IGLL5: variants seen among roughly 807,000 people sequenced by gnomAD.
IGLL5 encodes immunoglobulin lambda-like polypeptide 5.
Under a neutral mutation model 20.9 loss-of-function variants are expected in IGLL5, and 30 were observed. That is an observed-to-expected ratio of 1.44 (90% CI 1.07 to 1.95). IGLL5 has a LOEUF of 1.95. Ranked by LOEUF, IGLL5 falls within the 30% of genes most tolerant of loss-of-function variation. The pLI, the probability that IGLL5 is intolerant of heterozygous loss-of-function variation, is 0.00. For synonymous variants in IGLL5, 203 were observed against 117.3 expected (o/e 1.73, Z -4.72); for missense variants, 475 against 270.7 (o/e 1.75, Z -5.30).
intron 1 of IGLL5, among the ~76,000 whole-genome samples, chr22:22,890,249 A>T (rs2067786765): frequency 6.7e-6 from 1 of 149,660 alleles, no homozygotes; most frequent in Admixed American, 6.7e-5. Flanking sequence ...TCCCAGAGAT[A>T]GCCACTGTCA....
At position 22,892,708 on chromosome 22, in the gene IGLL5, AAG is replaced by A. The variant is rs551771266; in HGVS notation, c.207-987_207-986del. Among the ~76,000 whole-genome samples, 497 of 150,938 alleles carry A rather than the reference AAG, an allele frequency of 3.3e-3. 1 individual carries two copies. The highest frequency in any genetic ancestry group is 5.5e-3 in the Non-Finnish European group (373 of 67,822). Reference sequence around the variant, plus strand: ...GAATATATGTGAATCTGGAGCCAAGAAGAGAGGTAAGGGCTGGAAATAGGGAT... The same window carrying A: ...GAATATATGTGAATCTGGAGCCAAGAAGAGGTAAGGGCTGGAAATAGGGAT... On this transcript the variant is annotated intron_variant, in intron 1 of 2. Coordinates refer to ENST00000526893, the MANE Select transcript of IGLL5 (RefSeq NM_001178126.2).
At position 22,888,038 on chromosome 22, in the gene IGLL5, CT is replaced by C. The variant is rs763343968; in HGVS notation, c.-15del. Reference sequence around the variant, plus strand: ...GCTGCAAGTCGGGCCAGAGGTGCCCCTGAACCTGAAGGCCAATGAGACCCAA... The same window carrying C: ...GCTGCAAGTCGGGCCAGAGGTGCCCCGAACCTGAAGGCCAATGAGACCCAA... On this transcript the variant is annotated 5_prime_UTR_variant, in exon 1 of 3. An upstream open reading frame in the 5' UTR gains an earlier in-frame stop. Coordinates refer to ENST00000526893, the MANE Select transcript of IGLL5 (RefSeq NM_001178126.2). 3 of 1,547,916 alleles carry C rather than the reference CT, an allele frequency of 1.9e-6. No individual in the cohort carries two copies. In the African/African-American group the frequency reaches 4.1e-5, roughly 21 times the overall value.
chr22:22,890,118 T>C (rs1601611139), intron 1 of IGLL5, among the ~76,000 whole-genome samples: 1 of 149,800 alleles, frequency 6.7e-6, no homozygotes, highest in South Asian at 2.1e-4. Context: ...TTGTAATGAG[T>C]ATATTACAAA....
At chr22:22,888,519 G>A (rs2067609422) in intron 1 of IGLL5, among the ~76,000 whole-genome samples, 1 of 151,396 alleles carries the variant, frequency 6.6e-6, no homozygotes, top group South Asian at 2.1e-4. Flanking sequence ...CAGGGTCAGT[G>A]CCTCAATCAC....
intron 2 of IGLL5, among the ~76,000 whole-genome samples, chr22:22,894,415 G>A (rs527292358): frequency 7.3e-5 from 11 of 151,470 alleles, no homozygotes; most frequent in Admixed American, 3.3e-4. Flanking sequence ...ACAGAGGGAC[G>A]GGTGAGACTG....
chr22:22,894,248 T>C (rs1170658353), intron 2 of IGLL5, among the ~76,000 whole-genome samples: 6 of 147,702 alleles, frequency 4.1e-5, no homozygotes, highest in East Asian at 4.3e-4. Context: ...CAGCTGAGGG[T>C]CTAGGCTGAG....
intron 1 of IGLL5, among the ~76,000 whole-genome samples, chr22:22,893,126 T>G (rs1316506170): frequency 3.3e-5 from 5 of 151,064 alleles, no homozygotes; most frequent in Non-Finnish European, 7.4e-5. Flanking sequence ...AGTGGACAGA[T>G]GCATGGATGG....
chr22:22,889,039 A>T (rs1396902781), intron 1 of IGLL5, among the ~76,000 whole-genome samples: 3 of 151,306 alleles, frequency 2.0e-5, no homozygotes, highest in Admixed American at 1.3e-4. Context: ...TCCGTGCACC[A>T]TTCCCAGTCC....
At chr22:22,894,899 A>T in intron 2 of IGLL5, among the ~76,000 whole-genome samples, 1 of 151,390 alleles carries the variant, frequency 6.6e-6, no homozygotes, top group African/African-American at 2.4e-5. Context: ...AGTTCAAAGC[A>T]GGCTTGGGTC....
Position 22,888,278 on chromosome 22 carries a change from C to T in IGLL5, c.206+19C>T, listed in dbSNP as rs531811391. The T allele has an allele frequency of 7.1e-6, 11 of 1,545,228 alleles. No individual in the cohort carries two copies. Among genetic ancestry groups the T allele is most frequent in the Admixed American group, 5.9e-5 (3 of 50,716 alleles). ...GGGGCAGGTAAGGGGCAAGAGATTC[C>T]AGGGGATGTGGGGGTCCTGCAGCAG... On this transcript the variant is annotated intron_variant, in intron 1 of 2. Transcript: ENST00000526893.
At chr22:22,894,604 G>A (rs2146043320) in intron 2 of IGLL5, among the ~76,000 whole-genome samples, 1 of 151,376 alleles carries the variant, frequency 6.6e-6, no homozygotes, top group East Asian at 2.0e-4. Flanking sequence ...TGACCAGAGG[G>A]GAGTGAATGA....
At chr22:22,894,080 G>A (rs1300970081) in intron 2 of IGLL5, among the ~76,000 whole-genome samples, 1 of 151,388 alleles carries the variant, frequency 6.6e-6, no homozygotes, top group Non-Finnish European at 1.5e-5. Context: ...TCTCTTCCAG[G>A]GCAGATGTCT....
At chr22:22,891,327 A>C (rs932398850) in intron 1 of IGLL5, among the ~76,000 whole-genome samples, 4 of 151,176 alleles carry the variant, frequency 2.6e-5, no homozygotes, top group Non-Finnish European at 5.9e-5. Flanking sequence ...CATTTGTTGA[A>C]TATAAATGCA....
At position 22,895,660 on chromosome 22, in the gene IGLL5, TGGA is replaced by T. The variant is rs2066752114; in HGVS notation, c.613_615del (p.Glu205del). On this transcript the variant is annotated inframe_deletion, in exon 3 of 3. Transcript: ENST00000526893. Reference sequence around the variant, plus strand: ...CAGGTCACGCATGAAGGGAGCACCGTGGAGAAGACAGTGGCCCCTACAGAATGT... The same window carrying T: ...CAGGTCACGCATGAAGGGAGCACCGTGAAGACAGTGGCCCCTACAGAATGT... 1 of 1,613,148 alleles carries T rather than the reference TGGA, an allele frequency of 6.2e-7. No homozygotes were observed. Among genetic ancestry groups the T allele is most frequent in the African/African-American group, 1.3e-5 (1 of 74,740 alleles).
chr22:22,889,505 G>C (rs771982488), intron 1 of IGLL5, among the ~76,000 whole-genome samples: 4 of 151,326 alleles, frequency 2.6e-5, no homozygotes, highest in South Asian at 2.1e-4. Flanking sequence ...GGTTAGCTCA[G>C]CATTATTAGT....
chr22:22,892,821 T>TGG (rs2067890739), intron 1 of IGLL5, among the ~76,000 whole-genome samples: 1 of 149,884 alleles, frequency 6.7e-6, no homozygotes, highest in Non-Finnish European at 1.5e-5. Flanking sequence ...GAACCCAGGG[T>TGG]GGGGATCTGG....
At chr22:22,890,281 A>T in intron 1 of IGLL5, among the ~76,000 whole-genome samples, 1 of 149,460 alleles carries the variant, frequency 6.7e-6, no homozygotes, top group Non-Finnish European at 1.5e-5. Flanking sequence ...ATACTTCCAG[A>T]ACTTTTCCTG....
chr22:22,888,815 A>G (rs564762216), intron 1 of IGLL5, among the ~76,000 whole-genome samples: 4 of 151,388 alleles, frequency 2.6e-5, no homozygotes, highest in African/African-American at 4.8e-5. Flanking sequence ...GGAGCTGTCC[A>G]GTCATTGGAA....
chr22:22,893,517 T>G (rs1407708575), intron 1 of IGLL5, among the ~76,000 whole-genome samples, 183 bp from the exon 2 acceptor site: 2 of 151,038 alleles, frequency 1.3e-5, no homozygotes, highest in Admixed American at 1.3e-4. Context: ...CCCAGTGTTG[T>G]CATCAGCACC....
Sources: allele counts gnomAD v4.1 joint callset (sites outside exome capture counted in the v4.1 genomes callset), GRCh38; gene constraint gnomAD v4.1.1; transcripts MANE v1.5; gene names NCBI Gene and HGNC (gene_info 2026-07-23, HGNC 2026-07-21).